CALHM6: variants seen among roughly 807,000 people sequenced by gnomAD.
The protein encoded by CALHM6 is calcium homeostasis modulator family member 6, also known as calcium homeostasis modulator protein 6.
A neutral mutation model predicts 12.7 loss-of-function variants in CALHM6; 15 were observed. The observed-to-expected ratio is 1.18, with a 90% CI of 0.79 to 1.82. The LOEUF is 1.82. Ranked by LOEUF, CALHM6 falls within the 40% of genes most tolerant of loss-of-function variation. The pLI, the probability that CALHM6 is intolerant of heterozygous loss-of-function variation, is 0.00. For missense variants in CALHM6, 434 were observed against 421.0 expected (o/e 1.03, Z -0.27); for synonymous variants, 212 against 193.7 (o/e 1.09, Z -0.78).
chr6:116,463,135 C>T (rs1784816257), intron 2 of CALHM6, 148 bp from the exon 3 acceptor site: 13 of 749,816 alleles, frequency 1.7e-5, no homozygotes, highest in South Asian at 3.7e-5. Context: ...GAGGTTACTG[C>T]GACACCTTAC....
chr6:116,462,779 T>C (rs1784807608), intron 2 of CALHM6, among the ~76,000 whole-genome samples: 1 of 152,090 alleles, frequency 6.6e-6, no homozygotes, highest in African/African-American at 2.4e-5. Flanking sequence ...ACAGCTCTGT[T>C]GGGTGCAAAA....
chr6:116,462,477 GT>G, intron 2 of CALHM6, 23 bp downstream of exon 2: 1 of 1,472,980 alleles, frequency 6.8e-7, no homozygotes. Flanking sequence ...CGCTGGGGGC[GT>G]TTGGGAGGAG....
At chr6:116,461,810 G>A (rs2858834) in intron 1 of CALHM6, 62 bp from the exon 2 acceptor site, 684,174 of 977,768 alleles carry the variant, frequency 0.7, 245,556 homozygotes, top group East Asian at 0.87. Flanking sequence ...AAAAAAAAAA[G>A]GCTGCTTCTC....
chr6:116,461,898 G>T lies in CALHM6; in HGVS notation c.-32G>T. 1 of 1,478,124 alleles carries T rather than the reference G, an allele frequency of 6.8e-7. No individual in the cohort carries two copies. 91.6% of individuals were successfully genotyped at this position (1,478,124 alleles called of 1,614,324 possible). ...ACAACGAAGAGGCAGAAGGATCTGG[G>T]CCTGTGCGCGACGCCCCGGGGGACG... On this transcript the variant is annotated 5_prime_UTR_variant, in exon 2 of 3. Coordinates refer to ENST00000368605, the MANE Select transcript of CALHM6 (RefSeq NM_001010919.3).
Position 116,463,637 on chromosome 6 carries a change from G to A in CALHM6, c.880G>A (p.Gly294Arg), listed in dbSNP as rs773664402. 5.0e-6 allele frequency: 8 copies of A among 1,613,926 alleles called. No homozygotes were observed. In the South Asian group the frequency reaches 8.8e-5, roughly 18 times the overall value. ...EKTHSIRSTE[G>R]DTVIPVLGFV... ...GACTCACAGTATCAGGTCTACTGAA[G>A]GAGATACGGTGATTCCTGTTCTTGG... Residue 294 changes from glycine to arginine, a missense_variant, in exon 3 of 3, where the codon GGA (glycine) becomes AGA (arginine). Gly to Arg is a moderately radical substitution (Grantham distance 125). Transcript: ENST00000368605.
rs1322152924 is a variant in CALHM6 at position 116,462,164 on chromosome 6, A to T, written c.235A>T (p.Thr79Ser). The change falls in exon 2 of 3, where the codon ACC becomes TCC. Residue 79 changes from threonine (T) to serine (S), a missense_variant. Physicochemically the swap from Thr to Ser is moderately conservative, Grantham distance 58 (BLOSUM62 1). Transcript: ENST00000368605. Reference protein sequence around the residue: ...VLSARTWRLLTGCCSSARASC... With the variant: ...VLSARTWRLLSGCCSSARASC... Reference sequence around the variant, plus strand: ...GAGCGCACGCACGTGGCGCCTGCTCACCGGATGCTGCTCCAGCGCCCGCGC... The same window carrying T: ...GAGCGCACGCACGTGGCGCCTGCTCTCCGGATGCTGCTCCAGCGCCCGCGC... 2 of 1,526,154 alleles carry T rather than the reference A, an allele frequency of 1.3e-6. No homozygotes were observed. The highest frequency in any genetic ancestry group is 2.8e-5 in the African/African-American group (2 of 71,958). The allele number at this position is 1,526,154 out of a possible 1,614,324, so 94.5% of individuals were successfully genotyped here. A position where few individuals can be genotyped will look rare whatever the true frequency, so the allele number is the denominator to read the frequency against.
intron 1 of CALHM6, 128 bp downstream of exon 1, chr6:116,461,557 T>G (rs1784769430): frequency 1.1e-6 from 1 of 889,308 alleles, no homozygotes; most frequent in East Asian, 2.6e-5. Flanking sequence ...GTCAAGAAGG[T>G]TAGTTTCCTG....
In CALHM6 at chr6:116,461,893, T is replaced by C; in HGVS notation, c.-37T>C. Reference sequence around the variant, plus strand: ...GCAGGACAACGAAGAGGCAGAAGGATCTGGGCCTGTGCGCGACGCCCCGGG... The same window carrying C: ...GCAGGACAACGAAGAGGCAGAAGGACCTGGGCCTGTGCGCGACGCCCCGGG... On this transcript the variant is annotated 5_prime_UTR_variant, in exon 2 of 3. Coordinates refer to ENST00000368605, the MANE Select transcript of CALHM6 (RefSeq NM_001010919.3). The C allele has an allele frequency of 6.8e-7, 1 of 1,471,260 alleles. No homozygotes were observed. The highest frequency in any genetic ancestry group is 1.4e-5 in the South Asian group (1 of 73,358). The allele number at this position is 1,471,260 out of a possible 1,614,324, so 91.1% of individuals were successfully genotyped here.
intron 1 of CALHM6, 24 bp downstream of exon 1, chr6:116,461,453 T>C (rs773582466): frequency 1.5e-5 from 23 of 1,548,050 alleles, no homozygotes; most frequent in Non-Finnish European, 1.7e-5. Context: ...TTTTTGATAA[T>C]TATTTGGTTT....
chr6:116,462,333 C>G lies in CALHM6; in HGVS notation c.404C>G (p.Ala135Gly). The part of the protein sequence containing the change: ...ECAATGSAAF[A>G]QRLCLGRNRS... ...GCGGCCACCGGGAGCGCGGCCTTCGCGCAGCGCCTGTGCCTCGGCCGCAAC... is the reference window on the plus strand; with the variant it reads ...GCGGCCACCGGGAGCGCGGCCTTCGGGCAGCGCCTGTGCCTCGGCCGCAAC... The change falls in exon 2 of 3, where the codon GCG (alanine) becomes GGG (glycine). Residue 135 changes from alanine (A) to glycine (G), a missense_variant. By Grantham distance (60) the Ala-to-Gly change is moderately conservative. Coordinates refer to ENST00000368605, the MANE Select transcript of CALHM6 (RefSeq NM_001010919.3). The G allele has an allele frequency of 6.9e-7, 1 of 1,444,216 alleles. No homozygotes were observed. Among genetic ancestry groups the G allele is most frequent in the Non-Finnish European group, 9.1e-7 (1 of 1,103,928 alleles). 89.5% of individuals were successfully genotyped at this position (1,444,216 alleles called of 1,614,324 possible).
rs1371551811 is a variant in CALHM6 at position 116,462,140 on chromosome 6, A to G, written c.211A>G (p.Ser71Gly). 2 of 1,532,778 alleles carry G rather than the reference A, an allele frequency of 1.3e-6. No homozygotes were observed. Among genetic ancestry groups the G allele is most frequent in the African/African-American group, 1.4e-5 (1 of 72,524 alleles). 94.9% of individuals were successfully genotyped at this position (1,532,778 alleles called of 1,614,324 possible). The change falls in exon 2 of 3, where the codon AGC becomes GGC. Residue 71 changes from serine (S) to glycine (G), a missense_variant. Ser to Gly is a moderately conservative substitution (Grantham distance 56). Transcript: ENST00000368605. ...LALFLLGYVL[S>G]ARTWRLLTGC... ...GCTCTTCCTCCTGGGCTACGTGCTGAGCGCACGCACGTGGCGCCTGCTCAC... is the reference window on the plus strand; with the variant it reads ...GCTCTTCCTCCTGGGCTACGTGCTGGGCGCACGCACGTGGCGCCTGCTCAC...
chr6:116,463,158 A>T, intron 2 of CALHM6, 125 bp from the exon 3 acceptor site: 1 of 913,496 alleles, frequency 1.1e-6, no homozygotes, highest in Non-Finnish European at 1.7e-6. Context: ...TTAAGGAATT[A>T]AGACCTAAAA....
chr6:116,462,092 T>G lies in CALHM6; in HGVS notation c.163T>G (p.Phe55Val). Residue 55 changes from phenylalanine to valine, a missense_variant, in exon 2 of 3, where the codon TTC becomes GTC. Transcript: ENST00000368605. ...AAWNLPYGLVFLLVPALALFL... is the reference protein window; with the variant it reads ...AAWNLPYGLVVLLVPALALFL... ...CTGGAACCTGCCCTACGGCCTGGTC[T>G]TCTTGCTGGTGCCGGCGCTCGCGCT... 6.5e-7 allele frequency: 1 copy of G among 1,545,214 alleles called. No individual in the cohort carries two copies. Among genetic ancestry groups the G allele is most frequent in the Non-Finnish European group, 8.7e-7 (1 of 1,145,822 alleles).
intron 1 of CALHM6, 54 bp from the exon 2 acceptor site, chr6:116,461,818 C>G: frequency 1.1e-6 from 1 of 880,018 alleles, no homozygotes. Flanking sequence ...AAGGCTGCTT[C>G]TCGCAGAGTG....
At position 116,461,863 on chromosome 6, in the gene CALHM6, G is replaced by C; in HGVS notation, c.-58-9G>C. 3 of 1,392,828 alleles carry C rather than the reference G, an allele frequency of 2.2e-6. No individual in the cohort carries two copies. 86.3% of individuals were successfully genotyped at this position (1,392,828 alleles called of 1,614,324 possible). ...GGTCCCCATCCCACCAAAACCATTT[G>C]ACAAGCAGGACAACGAAGAGGCAGA... On this transcript the variant is annotated splice_polypyrimidine_tract_variant and intron_variant, in intron 1 of 2. Transcript: ENST00000368605.
chr6:116,462,083 G>T lies in CALHM6; in HGVS notation c.154G>T (p.Gly52Cys), dbSNP rs562961955. The change falls in exon 2 of 3, where the codon GGC becomes TGC. Residue 52 changes from glycine to cysteine, a missense_variant. Coordinates refer to ENST00000368605, the MANE Select transcript of CALHM6 (RefSeq NM_001010919.3). The part of the protein sequence containing the change: ...PCSAAWNLPY[G>C]LVFLLVPALA... ...CAGCGCCGCCTGGAACCTGCCCTACGGCCTGGTCTTCTTGCTGGTGCCGGC... is the reference window on the plus strand; with the variant it reads ...CAGCGCCGCCTGGAACCTGCCCTACTGCCTGGTCTTCTTGCTGGTGCCGGC... 1.0e-5 allele frequency: 16 copies of T among 1,546,480 alleles called. No homozygotes were observed. In the East Asian group the frequency reaches 1.5e-4, roughly 14 times the overall value.
In CALHM6 at chr6:116,463,565, G is replaced by A. The variant is rs752496999; in HGVS notation, c.808G>A (p.Gly270Ser). The change falls in exon 3 of 3, where the codon GGC becomes AGC. Residue 270 changes from glycine to serine, a missense_variant. By Grantham distance (56) the Gly-to-Ser change is moderately conservative. Coordinates refer to ENST00000368605, the MANE Select transcript of CALHM6 (RefSeq NM_001010919.3). ...ISSLYTFNPK[G>S]QYYSMLHKYV... is the part of the protein sequence containing the mutation. ...ATCACTGTATACTTTCAATCCGAAG[G>A]GCCAGTACTACAGCATGTTGCACAA... 6.2e-7 allele frequency: 1 copy of A among 1,614,042 alleles called. No homozygotes were observed. Among genetic ancestry groups the A allele is most frequent in the South Asian group, 1.1e-5 (1 of 91,080 alleles).
chr6:116,462,357 ACCGCAGCTGCGCCGCGGAGCT>A lies in CALHM6; in HGVS notation c.429_449del (p.Asn143_Leu150delinsLys). 6.9e-7 allele frequency: 1 copy of A among 1,450,760 alleles called. No individual in the cohort carries two copies. The highest frequency in any genetic ancestry group is 9.0e-7 in the Non-Finnish European group (1 of 1,106,484). 89.9% of individuals were successfully genotyped at this position (1,450,760 alleles called of 1,614,324 possible). On this transcript the variant is annotated inframe_deletion, in exon 2 of 3. Transcript: ENST00000368605. ...GCGCAGCGCCTGTGCCTCGGCCGCA[ACCGCAGCTGCGCCGCGGAGCT>A]GCCGCTGGTGCCGTGCAACCAGGCC...
In CALHM6 at chr6:116,461,915, C is replaced by CG. The variant is rs1562326054; in HGVS notation, c.-10dup. On this transcript the variant is annotated 5_prime_UTR_variant, in exon 2 of 3. Coordinates refer to ENST00000368605, the MANE Select transcript of CALHM6 (RefSeq NM_001010919.3). The stretch of plus-strand genomic sequence containing the variant: ...GGATCTGGGCCTGTGCGCGACGCCC[C>CG]GGGGGACGAGGCTCATGGAGAAGTT... 12 of 1,486,068 alleles carry CG rather than the reference C, an allele frequency of 8.1e-6. No individual in the cohort carries two copies. The Admixed American group carries it at 2.7e-4, about 33-fold the overall frequency. The allele number at this position is 1,486,068 out of a possible 1,614,324, so 92.1% of individuals were successfully genotyped here. A position where few individuals can be genotyped will look rare whatever the true frequency, so the allele number is the denominator to read the frequency against.
Sources: allele counts gnomAD v4.1 joint callset (sites outside exome capture counted in the v4.1 genomes callset), GRCh38; gene constraint gnomAD v4.1.1; transcripts MANE v1.5; gene names NCBI Gene and HGNC (gene_info 2026-07-23, HGNC 2026-07-21).